Variants in DPP6 observed in about 807,000 individuals in gnomAD.
DPP6 encodes the protein A-type potassium channel modulatory protein DPP6.
In DPP6, 69 loss-of-function variants were observed where a neutral mutation model predicts 122.6. The ratio of observed to expected loss-of-function variants is 0.56; its 90% CI spans 0.46 to 0.69. The LOEUF (loss-of-function observed/expected upper bound fraction) is 0.69, where lower values mean the gene tolerates loss of function less well. Among genes scored for constraint, DPP6 ranks in the 30% least tolerant of loss-of-function variants. The pLI, the probability that DPP6 is intolerant of heterozygous loss-of-function variation, is 0.00. For synonymous variants in DPP6, 418 were observed against 433.1 expected, an observed-to-expected ratio of 0.97 and a Z score of 0.43; for missense variants, 928 against 1,116.9, an observed-to-expected ratio of 0.83 and a Z score of 2.41.
At chr7:154,062,638 C>A (rs1432248419) in intron 1 of DPP6, among the ~76,000 whole-genome samples, 5 of 50,434 alleles carry the variant, frequency 9.9e-5, no homozygotes, top group Admixed American at 5.4e-4. Context: ...CTTAGGACCC[C>A]CATCGCAGGA....
chr7:154,142,845 G>T (rs1219052110), intron 1 of DPP6, among the ~76,000 whole-genome samples: 1 of 140,584 alleles, frequency 7.1e-6, no homozygotes, highest in African/African-American at 2.7e-5. Context: ...GAAAAACAGA[G>T]TTGTCTCTAA....
At chr7:153,775,974 A>G in the DPP6 span, among the ~76,000 whole-genome samples, 2 of 152,166 alleles carry the variant, frequency 1.3e-5, no homozygotes, top group Non-Finnish European at 2.9e-5. Context: ...GAGATCTAAT[A>G]TTGGTAAGAT....
At chr7:154,420,182 CA>C (rs1400281032) in intron 1 of DPP6, among the ~76,000 whole-genome samples, 4 of 152,074 alleles carry the variant, frequency 2.6e-5, no homozygotes, top group African/African-American at 9.7e-5. Context: ...ACTAAAAGCA[CA>C]AAAATTAGCT....
At chr7:153,864,050 T>C in the DPP6 span, among the ~76,000 whole-genome samples, 1 of 152,316 alleles carries the variant, frequency 6.6e-6, no homozygotes, top group South Asian at 2.1e-4. Context: ...TTTGTGGGTG[T>C]GCAAGTGTTT....
At chr7:153,751,969 A>G in the DPP6 span, among the ~76,000 whole-genome samples, 238 of 152,288 alleles carry the variant, frequency 1.6e-3, no homozygotes, top group African/African-American at 5.3e-3. Flanking sequence ...GAAGCAGCAG[A>G]CATAGCTGTC....
At position 154,893,449 on chromosome 7, in the gene DPP6, G is replaced by A. The variant is rs1167313270; in HGVS notation, c.*969G>A. 2.4e-5 allele frequency: 1 copy of A among 41,144 alleles called. No individual in the cohort carries two copies. Among genetic ancestry groups the A allele is most frequent in the African/African-American group, 1.3e-4 (1 of 7,792 alleles). The allele number at this position is 41,144 out of a possible 1,614,324, so 2.5% of individuals were successfully genotyped here. On this transcript the variant is annotated 3_prime_UTR_variant, in exon 26 of 26. Transcript: ENST00000377770. ...ATCAAGCTCTTTCCCATGACATTTG[G>A]TTTAAAAAAAAAAAAAAAAAAAAAA...
chr7:154,649,333 T>C (rs1836716067), intron 6 of DPP6, among the ~76,000 whole-genome samples: 1 of 152,230 alleles, frequency 6.6e-6, no homozygotes, highest in African/African-American at 2.4e-5. Context: ...TGAATAAAAG[T>C]GCTGTGCACA....
chr7:153,871,093 G>T, the DPP6 span, among the ~76,000 whole-genome samples: 2 of 152,158 alleles, frequency 1.3e-5, no homozygotes, highest in African/African-American at 2.4e-5. Context: ...GCTATTCGGG[G>T]GTCAGGAACC....
rs1804992187 is a variant in DPP6, at chr7:154,877,536, T to C, written c.2078+1436T>C. On this transcript the variant is annotated intron_variant, in intron 20 of 25. Transcript: ENST00000377770. This position sits in a 1 kb window ranked among gnomAD's most constrained non-coding sequence, Gnocchi z 5.2. The stretch of plus-strand genomic sequence containing the variant: ...AATGTCACCAACGACCCAGGCTCTC[T>C]CCGTCTCTCCGCCCAGCCAGCCATG... Among the ~76,000 whole-genome samples the C allele has an allele frequency of 6.6e-6, 1 of 152,124 alleles. No individual in the cohort carries two copies. The highest frequency in any genetic ancestry group is 2.1e-4 in the South Asian group (1 of 4,828).
chr7:153,990,255 T>A (rs572539550), intron 1 of DPP6, among the ~76,000 whole-genome samples: 1 of 100,672 alleles, frequency 9.9e-6, no homozygotes, highest in Non-Finnish European at 1.9e-5. Context: ...CAGCCCCACC[T>A]GCTTCCAGCC....
chr7:153,966,451 G>T (rs189690210), intron 1 of DPP6, among the ~76,000 whole-genome samples: 1 of 148,470 alleles, frequency 6.7e-6, no homozygotes, highest in Non-Finnish European at 1.5e-5. Context: ...TCCCTCTGCT[G>T]TCTCCCCAGC....
intron 1 of DPP6, among the ~76,000 whole-genome samples, chr7:154,430,137 T>A (rs543821371): frequency 6.6e-6 from 1 of 152,258 alleles, no homozygotes; most frequent in Admixed American, 6.5e-5. Flanking sequence ...CCCAGGCTCC[T>A]CGACGGCCTT....
chr7:154,252,495 C>T (rs2150898688), intron 1 of DPP6, among the ~76,000 whole-genome samples: 1 of 152,300 alleles, frequency 6.6e-6, no homozygotes, highest in South Asian at 2.1e-4. Flanking sequence ...AATGTACTGT[C>T]TTATTTCTCA....
chr7:154,703,753 C>T lies in DPP6; in HGVS notation c.763-24014C>T, dbSNP rs535245970. On this transcript the variant is annotated intron_variant, in intron 7 of 25. Coordinates refer to ENST00000377770, the MANE Select transcript of DPP6 (RefSeq NM_130797.4). ...GAATCGACACCATCCTGGCTAACAC[C>T]GTGAAACCCCGTCTCTACTAAAAAA... Among the ~76,000 whole-genome samples the T allele has an allele frequency of 3.9e-5, 6 of 151,952 alleles. No individual in the cohort carries two copies. The East Asian group carries it at 5.8e-4, about 15-fold the overall frequency.
chr7:154,429,737 C>T (rs994662890), intron 1 of DPP6, among the ~76,000 whole-genome samples: 10 of 152,300 alleles, frequency 6.6e-5, no homozygotes, highest in African/African-American at 2.2e-4. Flanking sequence ...GTGGAGACCA[C>T]GTTCCTCCCT....
At chr7:153,841,340 C>T in the DPP6 span, among the ~76,000 whole-genome samples, 9 of 152,280 alleles carry the variant, frequency 5.9e-5, no homozygotes, top group Admixed American at 4.6e-4. Flanking sequence ...AAAGTCTCAC[C>T]TCACATGTGA....
chr7:154,489,643 G>A (rs1218310614), intron 3 of DPP6, among the ~76,000 whole-genome samples: 6 of 151,990 alleles, frequency 3.9e-5, no homozygotes, highest in African/African-American at 1.5e-4. Flanking sequence ...ACCGTCTCTT[G>A]GGTCAGGATC....
intron 1 of DPP6, among the ~76,000 whole-genome samples, chr7:154,022,621 G>A (rs1401476478): frequency 3.3e-5 from 5 of 152,260 alleles, no homozygotes; most frequent in Middle Eastern, 3.4e-3. Flanking sequence ...ATAGACTAAC[G>A]GTTGCCCTGT....
chr7:154,793,114 C>T (rs750396251), intron 10 of DPP6, among the ~76,000 whole-genome samples: 2 of 152,092 alleles, frequency 1.3e-5, no homozygotes, highest in Non-Finnish European at 2.9e-5. Flanking sequence ...CTCTCTGGCT[C>T]GCCAGGAATT....
Sources: allele counts gnomAD v4.1 joint callset (sites outside exome capture counted in the v4.1 genomes callset), GRCh38; gene constraint gnomAD v4.1.1; non-coding constraint Gnocchi (gnomAD v3.1); transcripts MANE v1.5; gene names NCBI Gene and HGNC (gene_info 2026-07-23, HGNC 2026-07-21).